LAMA2: variants seen among roughly 807,000 people sequenced by gnomAD.
LAMA2 encodes laminin subunit alpha-2.
Under a neutral mutation model 364.8 loss-of-function variants are expected in LAMA2, and 269 were observed. The ratio of observed to expected loss-of-function variants is 0.74; its 90% CI spans 0.67 to 0.82. LAMA2 has a LOEUF of 0.82. Among genes scored for constraint, LAMA2 ranks in the 40% least tolerant of loss-of-function variants. LAMA2 has a pLI of 0.00. For synonymous variants in LAMA2, 1,379 were observed against 1,370.6 expected (o/e 1.01, Z -0.14); for missense variants, 3,807 against 3,873.2 (o/e 0.98, Z 0.45).
intron 1 of LAMA2, among the ~76,000 whole-genome samples, chr6:128,927,566 A>G (rs1779174761): frequency 6.6e-6 from 1 of 152,104 alleles, no homozygotes; most frequent in Admixed American, 6.5e-5. Flanking sequence ...ACAGCTAAAC[A>G]TTCTCCCTCT....
chr6:129,319,509 G>A (rs778168410), intron 27 of LAMA2, among the ~76,000 whole-genome samples: 4 of 152,024 alleles, frequency 2.6e-5, no homozygotes, highest in Non-Finnish European at 5.9e-5. Context: ...ATTAGGATTT[G>A]GTACATGAGC....
chr6:129,487,509 T>A (rs1784652581), intron 56 of LAMA2, among the ~76,000 whole-genome samples: 1 of 152,130 alleles, frequency 6.6e-6, no homozygotes, highest in African/African-American at 2.4e-5. Flanking sequence ...AAATCCAATT[T>A]GATGAGGCCT....
chr6:129,143,826 TC>T, intron 4 of LAMA2, 74 bp from the exon 5 acceptor site: 1 of 1,139,186 alleles, frequency 8.8e-7, no homozygotes, highest in Non-Finnish European at 1.3e-6. Context: ...ACTTTATTTT[TC>T]CAAGAAAAAG....
At chr6:129,006,688 A>C (rs1043614494) in intron 1 of LAMA2, among the ~76,000 whole-genome samples, 2 of 152,036 alleles carry the variant, frequency 1.3e-5, no homozygotes, top group Non-Finnish European at 2.9e-5. Context: ...TTCATCTGTC[A>C]TTCCTGCTTA....
chr6:129,249,264 T>C (rs1208483877), intron 12 of LAMA2, among the ~76,000 whole-genome samples: 4 of 152,190 alleles, frequency 2.6e-5, no homozygotes, highest in Admixed American at 2.6e-4. Flanking sequence ...CTTTGTTTTA[T>C]GAATATCTCT....
intron 12 of LAMA2, among the ~76,000 whole-genome samples, chr6:129,237,790 A>T (rs1209700684): frequency 6.6e-6 from 1 of 152,154 alleles, no homozygotes; most frequent in East Asian, 1.9e-4. Context: ...GCATGAGAGT[A>T]CTTGTTTCCC....
At chr6:128,961,369 T>TATATATATATA (rs1562873217) in intron 1 of LAMA2, among the ~76,000 whole-genome samples, 2 of 69,128 alleles carry the variant, frequency 2.9e-5, no homozygotes, top group African/African-American at 1.0e-4. Flanking sequence ...ATATATATAT[T>TATATATATATA]AGTTTATTAA....
intron 1 of LAMA2, among the ~76,000 whole-genome samples, chr6:128,926,481 A>T (rs56870151): frequency 3.9e-3 from 589 of 152,316 alleles, no homozygotes; most frequent in Non-Finnish European, 6.4e-3. Flanking sequence ...CAAGATGAAG[A>T]GTTGGAAAGG....
intron 37 of LAMA2, among the ~76,000 whole-genome samples, chr6:129,394,133 G>T (rs1779477190): frequency 6.6e-6 from 1 of 152,002 alleles, no homozygotes; most frequent in Non-Finnish European, 1.5e-5. Context: ...TATAACAGCA[G>T]CACCCTGTAT....
chr6:129,154,551 T>G lies in LAMA2; in HGVS notation c.1074T>G (p.Asn358Lys), dbSNP rs770615109. The G allele has an allele frequency of 3.7e-6, 6 of 1,614,044 alleles. No individual in the cohort carries two copies. The Admixed American group carries it at 1.0e-4, about 27-fold the overall frequency. Reference protein sequence around the residue: ...GKAEECYYDENVARRNLSLNI... With the variant: ...GKAEECYYDEKVARRNLSLNI... ...CTGAAGAATGCTATTATGATGAAAA[T>G]GTTGCCAGAAGAAATCTGAGTTTGA... The change falls in exon 8 of 65, where the codon AAT becomes AAG. Residue 358 changes from asparagine to lysine, a missense_variant. By Grantham distance (94) the Asn-to-Lys change is moderately conservative (BLOSUM62 0). Transcript: ENST00000421865.
intron 12 of LAMA2, among the ~76,000 whole-genome samples, chr6:129,227,768 A>C (rs1784408686): frequency 6.6e-6 from 1 of 152,164 alleles, no homozygotes; most frequent in Admixed American, 6.5e-5. Context: ...TAGGCTATTC[A>C]GGGCTCAGGG....
At position 129,168,341 on chromosome 6, in the gene LAMA2, A is replaced by G. The variant is rs1296428579; in HGVS notation, c.1306+2666A>G. Among the ~76,000 whole-genome samples, 3 of 151,518 alleles carry G rather than the reference A, an allele frequency of 2.0e-5. No individual in the cohort carries two copies. In the East Asian group the frequency reaches 5.8e-4, roughly 29 times the overall value. On this transcript the variant is annotated intron_variant, in intron 9 of 64. Coordinates refer to ENST00000421865, the MANE Select transcript of LAMA2 (RefSeq NM_000426.4). Reference sequence around the variant, plus strand: ...TAATCCATCTTGAATTGATTTTTGTATAAGGTGTAAGGAAGGGATCCAGTT... The same window carrying G: ...TAATCCATCTTGAATTGATTTTTGTGTAAGGTGTAAGGAAGGGATCCAGTT...
intron 1 of LAMA2, among the ~76,000 whole-genome samples, chr6:128,984,123 T>G (rs1032371068): frequency 2.0e-5 from 3 of 152,106 alleles, no homozygotes; most frequent in African/African-American, 7.2e-5. Flanking sequence ...GTGGCTATCC[T>G]TGCAAATTTC....
chr6:129,392,199 T>C (rs987945624), intron 36 of LAMA2, among the ~76,000 whole-genome samples: 13 of 152,192 alleles, frequency 8.5e-5, no homozygotes, highest in African/African-American at 3.1e-4. Context: ...GATAGTGATT[T>C]TACCCATGCT....
At chr6:128,921,970 T>A (rs979014705) in intron 1 of LAMA2, among the ~76,000 whole-genome samples, 3 of 151,572 alleles carry the variant, frequency 2.0e-5, no homozygotes, top group African/African-American at 7.3e-5. Flanking sequence ...TGGTTTTTTG[T>A]CCTTGTGATA....
chr6:129,264,888 G>C (rs1787399090), intron 15 of LAMA2, among the ~76,000 whole-genome samples: 1 of 152,086 alleles, frequency 6.6e-6, no homozygotes, highest in South Asian at 2.1e-4. Context: ...GGAATGAAGT[G>C]TGAAAAAGAG....
intron 1 of LAMA2, among the ~76,000 whole-genome samples, chr6:128,996,543 A>C (rs559881290): frequency 1.3e-5 from 2 of 152,216 alleles, no homozygotes; most frequent in Non-Finnish European, 2.9e-5. Flanking sequence ...CATCACTGGT[A>C]ATTAGAGAAA....
At chr6:129,380,521 G>T (rs575137044) in intron 34 of LAMA2, among the ~76,000 whole-genome samples, 4 of 152,054 alleles carry the variant, frequency 2.6e-5, no homozygotes, top group Non-Finnish European at 5.9e-5. Flanking sequence ...CAAATCCATG[G>T]TGCTATGAAG....
intron 48 of LAMA2, among the ~76,000 whole-genome samples, chr6:129,458,046 C>T (rs2114797597): frequency 6.6e-6 from 1 of 152,222 alleles, no homozygotes; most frequent in African/African-American, 2.4e-5. Flanking sequence ...GACATTCACA[C>T]TATAGCAAGG....
Sources: allele counts gnomAD v4.1 joint callset (sites outside exome capture counted in the v4.1 genomes callset), GRCh38; gene constraint gnomAD v4.1.1; transcripts MANE v1.5; gene names NCBI Gene and HGNC (gene_info 2026-07-23, HGNC 2026-07-21).